Variants in USP15 observed in about 807,000 individuals in gnomAD.
The protein encoded by USP15 is ubiquitin carboxyl-terminal hydrolase 15.
Under a neutral mutation model 127.1 loss-of-function variants are expected in USP15, and 18 were observed. That is an observed-to-expected ratio of 0.14 (90% CI 0.10 to 0.21). USP15 has a LOEUF of 0.21. Among genes scored for constraint, USP15 ranks in the 10% least tolerant of loss-of-function variants. The pLI, the probability that USP15 is intolerant of heterozygous loss-of-function variation, is 1.00. For synonymous variants in USP15, 364 were observed against 393.7 expected, an observed-to-expected ratio of 0.92 and a Z score of 0.89; for missense variants, 805 against 1,159.9, an observed-to-expected ratio of 0.69 and a Z score of 4.44.
At chr12:62,275,470 G>A (rs1221173849) in intron 1 of USP15, among the ~76,000 whole-genome samples, 2 of 151,846 alleles carry the variant, frequency 1.3e-5, no homozygotes, top group East Asian at 1.9e-4. Flanking sequence ...TTATGAATCC[G>A]TTGGATTTGT....
chr12:62,299,475 C>A (rs1271388783), intron 2 of USP15, among the ~76,000 whole-genome samples: 3 of 152,144 alleles, frequency 2.0e-5, no homozygotes, highest in Non-Finnish European at 1.5e-5. Context: ...CATGTTTTAT[C>A]CATGTTGTTG....
intron 4 of USP15, 190 bp downstream of exon 4, chr12:62,315,106 G>A (rs2064794332): frequency 2.0e-6 from 1 of 496,482 alleles, no homozygotes; most frequent in East Asian, 4.1e-5. Flanking sequence ...TTTATTAAAT[G>A]AATTTTAACA....
intron 8 of USP15, among the ~76,000 whole-genome samples, chr12:62,358,899 AGCATC>A (rs752056889): frequency 1.8e-4 from 27 of 152,168 alleles, no homozygotes; most frequent in Non-Finnish European, 3.5e-4. Flanking sequence ...CAAGAACTTG[AGCATC>A]TGTGGATTTT....
intron 5 of USP15, 58 bp downstream of exon 5, chr12:62,321,667 T>C: frequency 1.5e-6 from 2 of 1,375,640 alleles, no homozygotes; most frequent in Non-Finnish European, 1.9e-6. Context: ...TTCACAAACT[T>C]TAATAATTAT....
At chr12:62,373,388 T>C (rs1202895555) in intron 8 of USP15, among the ~76,000 whole-genome samples, 3 of 152,014 alleles carry the variant, frequency 2.0e-5, no homozygotes, top group East Asian at 1.9e-4. Flanking sequence ...TAATTCTTCA[T>C]TGAATTCAAA....
intron 1 of USP15, among the ~76,000 whole-genome samples, chr12:62,288,602 CTT>C (rs1321240461): frequency 6.6e-6 from 1 of 152,106 alleles, no homozygotes; most frequent in African/African-American, 2.4e-5. Context: ...TCTGTTGCCT[CTT>C]TTCTGGCTGT....
chr12:62,274,840 G>A (rs560592109), intron 1 of USP15, among the ~76,000 whole-genome samples: 20 of 152,196 alleles, frequency 1.3e-4, no homozygotes, highest in Middle Eastern at 3.4e-3. Flanking sequence ...AGATGATCAC[G>A]TTTGTGGTTT....
chr12:62,312,842 T>C (rs953653153), intron 3 of USP15, among the ~76,000 whole-genome samples: 1 of 151,686 alleles, frequency 6.6e-6, no homozygotes, highest in Non-Finnish European at 1.5e-5. Flanking sequence ...AAGGAGATTT[T>C]ATGTAAACAA....
chr12:62,300,905 C>T (rs922562643), intron 2 of USP15, among the ~76,000 whole-genome samples: 2 of 152,060 alleles, frequency 1.3e-5, no homozygotes, highest in African/African-American at 4.8e-5. Flanking sequence ...GTAACAAAAG[C>T]TTCTTTAAAT....
chr12:62,368,837 TC>T (rs1182521118), intron 8 of USP15, among the ~76,000 whole-genome samples: 2 of 152,220 alleles, frequency 1.3e-5, no homozygotes, highest in African/African-American at 4.8e-5. Flanking sequence ...GTGAATTTGT[TC>T]CTGTCATTAC....
chr12:62,325,942 T>C lies in USP15; in HGVS notation c.683+9T>C. The C allele has an allele frequency of 1.9e-6, 3 of 1,606,812 alleles. No individual in the cohort carries two copies. The highest frequency in any genetic ancestry group is 1.7e-6 in the Non-Finnish European group (2 of 1,176,036). On this transcript the variant is annotated intron_variant, in intron 6 of 21. Coordinates refer to ENST00000280377, the MANE Select transcript of USP15 (RefSeq NM_001252078.2). ...GGTCCTTCTACTCCTAAGTAAGTGC[T>C]CCCACTTCTTATGGCTTATTGTATG...
intron 9 of USP15, 44 bp from the exon 10 acceptor site, chr12:62,383,796 A>T (rs1565903163): frequency 1.3e-6 from 2 of 1,586,320 alleles, no homozygotes; most frequent in South Asian, 2.3e-5. Flanking sequence ...TTAAAAATCA[A>T]CCCTGTTCCT....
chr12:62,372,010 A>G (rs1447561720), intron 8 of USP15, among the ~76,000 whole-genome samples: 1 of 152,142 alleles, frequency 6.6e-6, no homozygotes, highest in Non-Finnish European at 1.5e-5. Context: ...AATTAGTGAA[A>G]TGTACATCAA....
At position 62,393,041 on chromosome 12, in the gene USP15, GTT is replaced by G. The variant is rs1565912023; in HGVS notation, c.2421-10_2421-9del. The stretch of plus-strand genomic sequence containing the variant: ...CCTCTATCAAGTGTTAAATACTTCT[GTT>G]TATTCTTAGGTATTGTCCGAATTGT... On this transcript the variant is annotated splice_polypyrimidine_tract_variant and intron_variant, in intron 18 of 21. Transcript: ENST00000280377. 6.2e-7 allele frequency: 1 copy of G among 1,612,374 alleles called. No individual in the cohort carries two copies. Among genetic ancestry groups the G allele is most frequent in the Admixed American group, 1.7e-5 (1 of 59,788 alleles).
rs1336057102 is a variant in USP15 at position 62,408,174 on chromosome 12, T to G, written c.*3799T>G. 6.6e-6 allele frequency: 1 copy of G among 151,616 alleles called. No homozygotes were observed. Among genetic ancestry groups the G allele is most frequent in the Non-Finnish European group, 1.5e-5 (1 of 67,860 alleles). The allele number at this position is 151,616 out of a possible 1,614,324, so 9.4% of individuals were successfully genotyped here. A position where few individuals can be genotyped will look rare whatever the true frequency, so the allele number is the denominator to read the frequency against. On this transcript the variant is annotated 3_prime_UTR_variant, in exon 22 of 22. Transcript: ENST00000280377. ...GTGGTACACCAAAGGGAGTGTAGGG[T>G]GTAGTAGGAGCTCTCTGCCTCCGAG... is the stretch of plus-strand genomic sequence containing the variant.
In USP15 at chr12:62,286,921, G is replaced by A. The variant is rs1302243020; in HGVS notation, c.90-7258G>A. On this transcript the variant is annotated intron_variant, in intron 1 of 21. Coordinates refer to ENST00000280377, the MANE Select transcript of USP15 (RefSeq NM_001252078.2). The stretch of plus-strand genomic sequence containing the variant: ...CATTGCACTCCAGCCTGGGCAACAA[G>A]AGCGAAACTCTGTCTCAAAAAAAAA... Among the ~76,000 whole-genome samples, 5 of 142,776 alleles carry A rather than the reference G, an allele frequency of 3.5e-5. No individual in the cohort carries two copies. In the East Asian group the frequency reaches 9.9e-4, roughly 28 times the overall value. The allele number at this position is 142,776 out of a possible 152,430, so 93.7% of individuals were successfully genotyped here.
intron 8 of USP15, among the ~76,000 whole-genome samples, chr12:62,366,673 A>G (rs1157207840): frequency 6.6e-6 from 1 of 152,074 alleles, no homozygotes; most frequent in Non-Finnish European, 1.5e-5. Flanking sequence ...TCAGTATGAT[A>G]TTGGCTGTGG....
chr12:62,296,830 C>T lies in USP15; in HGVS notation c.217+2524C>T, dbSNP rs183955013. 1.7e-3 allele frequency among the ~76,000 whole-genome samples: 252 copies of T among 152,330 alleles called. 10 individuals carry two copies. Among genetic ancestry groups the T allele is most frequent in the Admixed American group, 0.016 (250 of 15,298 alleles). ...GAGAGATTGTCTCAGATCAGGACCT[C>T]TCCCTTGGGGGAAAAGAGGGAGATC... is the stretch of plus-strand genomic sequence containing the variant. On this transcript the variant is annotated intron_variant, in intron 2 of 21. Coordinates refer to ENST00000280377, the MANE Select transcript of USP15 (RefSeq NM_001252078.2).
intron 14 of USP15, among the ~76,000 whole-genome samples, chr12:62,390,283 T>C (rs558624952): frequency 6.6e-6 from 1 of 152,290 alleles, no homozygotes; most frequent in South Asian, 2.1e-4. Context: ...ACATGTTCAT[T>C]CTGTGAAATC....
Sources: allele counts gnomAD v4.1 joint callset (sites outside exome capture counted in the v4.1 genomes callset), GRCh38; gene constraint gnomAD v4.1.1; transcripts MANE v1.5; gene names NCBI Gene and HGNC (gene_info 2026-07-23, HGNC 2026-07-21).